Variants in DAAM2 observed in about 807,000 individuals in gnomAD.
The protein encoded by DAAM2 is dishevelled associated activator of morphogenesis 2.
In DAAM2, 39 loss-of-function variants were observed where a neutral mutation model predicts 120.7. The ratio of observed to expected loss-of-function variants is 0.32; its 90% CI spans 0.25 to 0.42. The LOEUF (loss-of-function observed/expected upper bound fraction) is 0.42. Ranked by LOEUF, DAAM2 falls within the 10% of genes least tolerant of loss-of-function variation. The pLI is 1.00. For missense variants in DAAM2, 1,283 were observed against 1,401.7 expected (o/e 0.92, Z 1.35); for synonymous variants, 488 against 524.9 (o/e 0.93, Z 0.96).
intron 1 of DAAM2, among the ~76,000 whole-genome samples, chr6:39,836,462 C>T (rs1029077402): frequency 2.0e-5 from 3 of 152,164 alleles, no homozygotes; most frequent in Admixed American, 1.3e-4. Flanking sequence ...TTACTGTGAT[C>T]TCTAGTTGAC....
chr6:39,901,755 G>C lies in DAAM2; in HGVS notation c.2983-58G>C. The C allele has an allele frequency of 7.0e-7, 1 of 1,428,844 alleles. No individual in the cohort carries two copies. The highest frequency in any genetic ancestry group is 1.4e-5 in the South Asian group (1 of 69,842). The allele number at this position is 1,428,844 out of a possible 1,614,324, so 88.5% of individuals were successfully genotyped here. ...GGAGTTAGCCCAGGGTTGGGGGGCT[G>C]CCCTGGCCTCAGCGCCTCTCCCTGA... On this transcript the variant is annotated intron_variant, in intron 24 of 24. Coordinates refer to ENST00000274867, the MANE Select transcript of DAAM2 (RefSeq NM_001201427.2). The surrounding 1 kb of genome is among the most constrained non-coding windows in gnomAD (Gnocchi z 4.5).
At chr6:39,844,726 C>A (rs745805511) in intron 1 of DAAM2, among the ~76,000 whole-genome samples, 29 of 152,214 alleles carry the variant, frequency 1.9e-4, no homozygotes, top group Non-Finnish European at 4.1e-4. Context: ...GCGGGCTGAT[C>A]AGAAATTGGC....
At chr6:39,803,432 G>C (rs939282185) in intron 1 of DAAM2, among the ~76,000 whole-genome samples, 2 of 152,178 alleles carry the variant, frequency 1.3e-5, no homozygotes, top group African/African-American at 4.8e-5. Context: ...TGCTGGGGTA[G>C]GTAGTCCTCT....
rs1219292543 is a variant in DAAM2 at position 39,884,089 on chromosome 6, G to A, written c.1953+20G>A. ...CACCAGGTAAGACCCTATACCCTCT[G>A]GCCTCTTGGACCATACCCTTGAATC... On this transcript the variant is annotated intron_variant, in intron 15 of 24. Coordinates refer to ENST00000274867, the MANE Select transcript of DAAM2 (RefSeq NM_001201427.2). The A allele has an allele frequency of 1.5e-6, 2 of 1,371,184 alleles. No homozygotes were observed. The highest frequency in any genetic ancestry group is 2.1e-6 in the Non-Finnish European group (2 of 967,652). The allele number at this position is 1,371,184 out of a possible 1,614,324, so 84.9% of individuals were successfully genotyped here. A position where few individuals can be genotyped will look rare whatever the true frequency, so the allele number is the denominator to read the frequency against.
chr6:39,883,727 A>T, intron 14 of DAAM2: 1 of 460,372 alleles, frequency 2.2e-6, no homozygotes, highest in Non-Finnish European at 3.9e-6. Context: ...GAACATGTTT[A>T]CATGTGGCTC....
rs1408536429 is a variant in DAAM2 at position 39,902,447 on chromosome 6, C to T, written c.*410C>T. The T allele has an allele frequency of 3.7e-5, 6 of 160,344 alleles. No individual in the cohort carries two copies. The highest frequency in any genetic ancestry group is 1.9e-4 in the Admixed American group (3 of 15,462). 9.9% of individuals were successfully genotyped at this position (160,344 alleles called of 1,614,324 possible). On this transcript the variant is annotated 3_prime_UTR_variant, in exon 25 of 25. Coordinates refer to ENST00000274867, the MANE Select transcript of DAAM2 (RefSeq NM_001201427.2). ...GCACGGGGAGCAATGATGGAGGGAGCCCCTGAGAGGGAATCTGGTGAGGGA... is the reference window on the plus strand; with the variant it reads ...GCACGGGGAGCAATGATGGAGGGAGTCCCTGAGAGGGAATCTGGTGAGGGA...
At chr6:39,892,924 CAA>C (rs1279257463) in intron 19 of DAAM2, among the ~76,000 whole-genome samples, 1 of 152,154 alleles carries the variant, frequency 6.6e-6, no homozygotes, top group Non-Finnish European at 1.5e-5. Flanking sequence ...GATAATCAAT[CAA>C]GAGGGAAAGA....
At position 39,901,446 on chromosome 6, in the gene DAAM2, G is replaced by A; in HGVS notation, c.2956G>A (p.Glu986Lys). The change falls in exon 24 of 25, where the codon GAG becomes AAG. Residue 986 changes from glutamate (E) to lysine (K), a missense_variant. Coordinates refer to ENST00000274867, the MANE Select transcript of DAAM2 (RefSeq NM_001201427.2). The surrounding 1 kb of genome is among the most constrained non-coding windows in gnomAD (Gnocchi z 4.5). ...EAMRRRKEEE[E>K]RRARMEAMLK... Reference sequence around the variant, plus strand: ...CATGAGGAGGAGGAAGGAGGAGGAGGAGCGGCGGGCGCGCATGGAAGCCAT... The same window carrying A: ...CATGAGGAGGAGGAAGGAGGAGGAGAAGCGGCGGGCGCGCATGGAAGCCAT... 1 of 1,611,164 alleles carries A rather than the reference G, an allele frequency of 6.2e-7. No individual in the cohort carries two copies. Among genetic ancestry groups the A allele is most frequent in the Non-Finnish European group, 8.5e-7 (1 of 1,179,752 alleles).
intron 1 of DAAM2, among the ~76,000 whole-genome samples, chr6:39,840,859 G>A (rs1330743535): frequency 6.6e-6 from 1 of 152,016 alleles, no homozygotes; most frequent in African/African-American, 2.4e-5. Flanking sequence ...CAATAGATCT[G>A]CCTGATGTTT....
intron 19 of DAAM2, among the ~76,000 whole-genome samples, chr6:39,895,389 C>T (rs1245098955): frequency 6.6e-6 from 1 of 152,006 alleles, no homozygotes; most frequent in Non-Finnish European, 1.5e-5. Context: ...GTGTGCACCA[C>T]CACGCCTGGC....
At position 39,868,919 on chromosome 6, in the gene DAAM2, G is replaced by A. The variant is rs1399925142; in HGVS notation, c.859G>A (p.Ala287Thr). Reference sequence around the variant, plus strand: ...GTCCTTCATCAATGCTGTCCTCAATGCTGGAGCTGGAGAGGTGGGGTGCCT... The same window carrying A: ...GTCCTTCATCAATGCTGTCCTCAATACTGGAGCTGGAGAGGTGGGGTGCCT... ...IMSFINAVLN[A>T]GAGEDNLEFR... Residue 287 changes from alanine to threonine, a missense_variant, in exon 7 of 25, where the codon GCT becomes ACT. Ala to Thr is a moderately conservative substitution (Grantham distance 58, BLOSUM62 0). This residue lies in a region of DAAM2 where 338 missense variants were observed against 443.9 expected (regional missense o/e 0.76). Coordinates refer to ENST00000274867, the MANE Select transcript of DAAM2 (RefSeq NM_001201427.2). 1 of 1,575,978 alleles carries A rather than the reference G, an allele frequency of 6.3e-7. No individual in the cohort carries two copies. Among genetic ancestry groups the A allele is most frequent in the Non-Finnish European group, 8.6e-7 (1 of 1,160,616 alleles).
intron 14 of DAAM2, among the ~76,000 whole-genome samples, chr6:39,880,819 A>G (rs1161316716): frequency 6.6e-6 from 1 of 152,218 alleles, no homozygotes; most frequent in Non-Finnish European, 1.5e-5. Context: ...TGTTAGCAGC[A>G]TTCAAAGCAA....
In DAAM2 at chr6:39,799,064, G is replaced by T. The variant is rs77195694; in HGVS notation, c.-57+6599G>T. ...AGTAGGACTTGCCCAGGTGTGATGG[G>T]CTTGCAAGAGCTAGTCTCCATAACC... is the stretch of plus-strand genomic sequence containing the variant. On this transcript the variant is annotated intron_variant, in intron 1 of 24. Transcript: ENST00000274867. Among the ~76,000 whole-genome samples the T allele has an allele frequency of 9.6e-3, 1,462 of 152,284 alleles. 20 individuals carry two copies. The highest frequency in any genetic ancestry group is 0.033 in the African/African-American group (1,369 of 41,552).
Position 39,901,807 on chromosome 6 carries a change from C to A in DAAM2, c.2983-6C>A. The A allele has an allele frequency of 6.6e-7, 1 of 1,522,918 alleles. No homozygotes were observed. Among genetic ancestry groups the A allele is most frequent in the South Asian group, 1.3e-5 (1 of 77,596 alleles). 94.3% of individuals were successfully genotyped at this position (1,522,918 alleles called of 1,614,324 possible). A position where few individuals can be genotyped will look rare whatever the true frequency, so the allele number is the denominator to read the frequency against. On this transcript the variant is annotated splice_polypyrimidine_tract_variant and splice_region_variant and intron_variant, in intron 24 of 24. Coordinates refer to ENST00000274867, the MANE Select transcript of DAAM2 (RefSeq NM_001201427.2). This position sits in a 1 kb window ranked among gnomAD's most constrained non-coding sequence, Gnocchi z 4.5. ...AGGGTTCCTATCTTTGGCCCCCCGC[C>A]CGCAGCTGAAGGAGCAGAGGGAACG...
intron 1 of DAAM2, among the ~76,000 whole-genome samples, chr6:39,799,653 A>G (rs1761802462): frequency 6.6e-6 from 1 of 152,214 alleles, no homozygotes; most frequent in African/African-American, 2.4e-5. Flanking sequence ...GAAATGAAAT[A>G]CTATTTATCT....
chr6:39,816,541 C>A (rs922779904), intron 1 of DAAM2, among the ~76,000 whole-genome samples: 2 of 152,188 alleles, frequency 1.3e-5, no homozygotes, highest in Admixed American at 6.5e-5. Flanking sequence ...TCTCTGGGGG[C>A]AGGGGGTGTG....
intron 15 of DAAM2, 193 bp downstream of exon 15, chr6:39,884,262 G>A (rs1765270266): frequency 5.7e-6 from 3 of 526,738 alleles, no homozygotes; most frequent in African/African-American, 1.9e-5. Context: ...ATGAGGTGAT[G>A]ATTTTATTCT....
At position 39,831,083 on chromosome 6, in the gene DAAM2, A is replaced by G. The variant is rs190466746; in HGVS notation, c.-56-25164A>G. ...TTATGTAACTTGCCTAAGTCTACAC[A>G]GTTAGTAAGTTTCATATATTCCTTC... is the stretch of plus-strand genomic sequence containing the variant. On this transcript the variant is annotated intron_variant, in intron 1 of 24. Transcript: ENST00000274867. Among the ~76,000 whole-genome samples, 26 of 152,314 alleles carry G rather than the reference A, an allele frequency of 1.7e-4. No individual in the cohort carries two copies. The East Asian group carries it at 4.2e-3, about 25-fold the overall frequency.
intron 5 of DAAM2, among the ~76,000 whole-genome samples, chr6:39,865,866 G>A (rs536992117): frequency 7.2e-5 from 11 of 152,156 alleles, no homozygotes; most frequent in Non-Finnish European, 1.6e-4. Context: ...TTACTATAAG[G>A]TATACTTTTG....
Sources: gnomAD v4.1 joint callset for allele counts (sites outside exome capture counted in the v4.1 genomes callset) on GRCh38, gnomAD v4.1.1 for gene constraint, gnomAD v4.1.1 regional missense constraint, Gnocchi (gnomAD v3.1) non-coding constraint, MANE v1.5 for transcripts, NCBI Gene and HGNC (gene_info 2026-07-23, HGNC 2026-07-21) for gene names.